The following IER5L variants were observed in gnomAD, a reference collection of about 807,000 sequenced individuals.
The protein encoded by IER5L is immediate early response gene 5-like protein.
In IER5L, 6 loss-of-function variants were observed where a neutral mutation model predicts 28.3. That is an observed-to-expected ratio of 0.21 (90% CI 0.12 to 0.42). IER5L has a LOEUF of 0.42. IER5L is among the 10% of genes least tolerant of loss of function. The pLI is 1.00. For missense variants in IER5L, 607 were observed against 575.2 expected, an observed-to-expected ratio of 1.06 and a Z score of -0.56; for synonymous variants, 351 against 282.5, an observed-to-expected ratio of 1.24 and a Z score of -2.43.
In IER5L at chr9:129,177,605, C is replaced by A. The variant is rs1829432689; in HGVS notation, c.448G>T (p.Ala150Ser). The change falls in exon 1 of 1, where the codon GCG becomes TCG. Residue 150 changes from alanine (A) to serine (S), a missense_variant. Ala to Ser is a moderately conservative substitution (Grantham distance 99). Coordinates refer to ENST00000372491, the MANE Select transcript of IER5L (RefSeq NM_203434.3). ...CCGGGCAGCTCCGAGAGCGCCCCCGCGCCGCCCGCGGGCGCTCCGGCCGCC... is the reference window on the plus strand; with the variant it reads ...CCGGGCAGCTCCGAGAGCGCCCCCGAGCCGCCCGCGGGCGCTCCGGCCGCC... Reference protein sequence around the residue: ...AAAAGAPAGGAGALSELPGCA... With the variant: ...AAAAGAPAGGSGALSELPGCA... The A allele has an allele frequency of 3.9e-6, 4 of 1,038,314 alleles. No individual in the cohort carries two copies. The highest frequency in any genetic ancestry group is 4.6e-6 in the Non-Finnish European group (4 of 871,358). 64.3% of individuals were successfully genotyped at this position (1,038,314 alleles called of 1,614,324 possible).
In IER5L at chr9:129,176,668, C is replaced by A; in HGVS notation, c.*170G>T. On this transcript the variant is annotated 3_prime_UTR_variant, in exon 1 of 1. Transcript: ENST00000372491. ...AAATAAAGTCCAAGATTTTAGATTT[C>A]TTTTTTTTTTATTTTACAATTTATA... 4.9e-6 allele frequency: 4 copies of A among 823,982 alleles called. No homozygotes were observed. The highest frequency in any genetic ancestry group is 6.6e-6 in the Non-Finnish European group (4 of 606,940). The allele number at this position is 823,982 out of a possible 1,614,324, so 51.0% of individuals were successfully genotyped here. A position where few individuals can be genotyped will look rare whatever the true frequency, so the allele number is the denominator to read the frequency against.
In IER5L at chr9:129,177,422, G is replaced by T; in HGVS notation, c.631C>A (p.Pro211Thr). 1 of 1,219,656 alleles carries T rather than the reference G, an allele frequency of 8.2e-7. No homozygotes were observed. Among genetic ancestry groups the T allele is most frequent in the Non-Finnish European group, 1.0e-6 (1 of 980,906 alleles). 75.6% of individuals were successfully genotyped at this position (1,219,656 alleles called of 1,614,324 possible). Residue 211 changes from proline (P) to threonine (T), a missense_variant, in exon 1 of 1, where the codon CCC becomes ACC. Physicochemically the swap from Pro to Thr is conservative, Grantham distance 38. Coordinates refer to ENST00000372491, the MANE Select transcript of IER5L (RefSeq NM_203434.3). ...GCGGCCGGAGGGGCGGCCCCTGGGG[G>T]CGCGGAGCAGGCGGCCGGGGCGCGA... ...DPRAPAACSA[P>T]PGAAPPAAAA...
Position 129,176,176 on chromosome 9 carries a change from G to A in IER5L, c.*662C>T, listed in dbSNP as rs1312161764. 1.3e-5 allele frequency: 2 copies of A among 152,048 alleles called. No individual in the cohort carries two copies. The highest frequency in any genetic ancestry group is 6.6e-5 in the Admixed American group (1 of 15,264). 9.4% of individuals were successfully genotyped at this position (152,048 alleles called of 1,614,324 possible). A position where few individuals can be genotyped will look rare whatever the true frequency, so the allele number is the denominator to read the frequency against. Reference sequence around the variant, plus strand: ...CGGAGCCAGAGGGGCGGGGAGAAGAGGGGTTCAAGACACCCGCCCCGGGAA... The same window carrying A: ...CGGAGCCAGAGGGGCGGGGAGAAGAAGGGTTCAAGACACCCGCCCCGGGAA... On this transcript the variant is annotated 3_prime_UTR_variant, in exon 1 of 1. Transcript: ENST00000372491.
rs1292748403 is a variant in IER5L at position 129,175,984 on chromosome 9, G to A, written c.*854C>T. The A allele has an allele frequency of 1.3e-5, 2 of 152,236 alleles. No individual in the cohort carries two copies. The highest frequency in any genetic ancestry group is 1.9e-4 in the East Asian group (1 of 5,178). The allele number at this position is 152,236 out of a possible 1,614,324, so 9.4% of individuals were successfully genotyped here. ...TCCCCCGGGGCCGCCGGGGATCCAG[G>A]TGAAGGAATTGACTTCCTTTTTTGT... On this transcript the variant is annotated 3_prime_UTR_variant, in exon 1 of 1. Coordinates refer to ENST00000372491, the MANE Select transcript of IER5L (RefSeq NM_203434.3). This position sits in a 1 kb window ranked among gnomAD's most constrained non-coding sequence, Gnocchi z 5.2.
In IER5L at chr9:129,178,041, G is replaced by T; in HGVS notation, c.12C>A (p.Ala4=). The T allele has an allele frequency of 6.7e-7, 1 of 1,495,308 alleles. No homozygotes were observed. Among genetic ancestry groups the T allele is most frequent in the Non-Finnish European group, 8.9e-7 (1 of 1,119,902 alleles). 92.6% of individuals were successfully genotyped at this position (1,495,308 alleles called of 1,614,324 possible). A position where few individuals can be genotyped will look rare whatever the true frequency, so the allele number is the denominator to read the frequency against. MEC[A]LDAQSLISIS... is the part of the protein sequence containing the mutation. ...TGCTGATCAGGCTCTGGGCGTCCAG[G>T]GCGCACTCCATGCTCCCGCGGAGAC... Residue 4 remains alanine, a synonymous_variant, in exon 1 of 1, where the codon GCC becomes GCA. Coordinates refer to ENST00000372491, the MANE Select transcript of IER5L (RefSeq NM_203434.3).
In IER5L at chr9:129,177,291, G is replaced by T; in HGVS notation, c.762C>A (p.Thr254=). 1 of 1,460,262 alleles carries T rather than the reference G, an allele frequency of 6.8e-7. No individual in the cohort carries two copies. Among genetic ancestry groups the T allele is most frequent in the Non-Finnish European group, 9.0e-7 (1 of 1,114,284 alleles). The allele number at this position is 1,460,262 out of a possible 1,614,324, so 90.5% of individuals were successfully genotyped here. The change falls in exon 1 of 1, where the codon ACC becomes ACA. Residue 254 remains threonine, a synonymous_variant. Transcript: ENST00000372491. ...SDFGLHCSSQ[T]TVLDLDTHVV... ...CGTGAGTGTCTAGGTCCAGCACGGT[G>T]GTCTGGCTGCTGCAGTGCAAGCCGA...
At position 129,177,426 on chromosome 9, in the gene IER5L, G is replaced by T. The variant is rs1318921849; in HGVS notation, c.627C>A (p.Ser209=). ...PRDPRAPAAC[S]APPGAAPPAA... Reference sequence around the variant, plus strand: ...CCGGAGGGGCGGCCCCTGGGGGCGCGGAGCAGGCGGCCGGGGCGCGAGGGT... The same window carrying T: ...CCGGAGGGGCGGCCCCTGGGGGCGCTGAGCAGGCGGCCGGGGCGCGAGGGT... Residue 209 remains serine, a synonymous_variant, in exon 1 of 1, where the codon TCC becomes TCA. Coordinates refer to ENST00000372491, the MANE Select transcript of IER5L (RefSeq NM_203434.3). 1.6e-6 allele frequency: 2 copies of T among 1,213,512 alleles called. No individual in the cohort carries two copies. The highest frequency in any genetic ancestry group is 3.3e-5 in the East Asian group (1 of 30,620). The allele number at this position is 1,213,512 out of a possible 1,614,324, so 75.2% of individuals were successfully genotyped here. A position where few individuals can be genotyped will look rare whatever the true frequency, so the allele number is the denominator to read the frequency against.
rs1047141009 is a variant in IER5L at position 129,176,676 on chromosome 9, T to A, written c.*162A>T. The A allele has an allele frequency of 7.2e-6, 7 of 972,538 alleles. No homozygotes were observed. Among genetic ancestry groups the A allele is most frequent in the Admixed American group, 8.0e-5 (2 of 24,916 alleles). The allele number at this position is 972,538 out of a possible 1,614,324, so 60.2% of individuals were successfully genotyped here. A position where few individuals can be genotyped will look rare whatever the true frequency, so the allele number is the denominator to read the frequency against. ...TCCAAGATTTTAGATTTCTTTTTTTTTTATTTTACAATTTATAAAACATCA... is the reference window on the plus strand; with the variant it reads ...TCCAAGATTTTAGATTTCTTTTTTTATTATTTTACAATTTATAAAACATCA... On this transcript the variant is annotated 3_prime_UTR_variant, in exon 1 of 1. Coordinates refer to ENST00000372491, the MANE Select transcript of IER5L (RefSeq NM_203434.3).
rs766058311 is a variant in IER5L at position 129,178,090 on chromosome 9, T to C, written c.-38A>G. The stretch of plus-strand genomic sequence containing the variant: ...ACGGCGGCGGAGCAGCCGCCGCCGC[T>C]GCTGCTGTTAACGCTTCTGCTGTTT... On this transcript the variant is annotated 5_prime_UTR_variant, in exon 1 of 1. Coordinates refer to ENST00000372491, the MANE Select transcript of IER5L (RefSeq NM_203434.3). 10 of 1,375,638 alleles carry C rather than the reference T, an allele frequency of 7.3e-6. No homozygotes were observed. Among genetic ancestry groups the C allele is most frequent in the Admixed American group, 3.6e-5 (1 of 27,900 alleles). 85.2% of individuals were successfully genotyped at this position (1,375,638 alleles called of 1,614,324 possible).
rs1829435126 is a variant in IER5L, at chr9:129,177,714, C to G, written c.339G>C (p.Gln113His). 7.0e-7 allele frequency: 1 copy of G among 1,436,714 alleles called. No homozygotes were observed. The highest frequency in any genetic ancestry group is 9.1e-7 in the Non-Finnish European group (1 of 1,099,124). 89.0% of individuals were successfully genotyped at this position (1,436,714 alleles called of 1,614,324 possible). A position where few individuals can be genotyped will look rare whatever the true frequency, so the allele number is the denominator to read the frequency against. The change falls in exon 1 of 1, where the codon CAG (glutamine) becomes CAC (histidine). Residue 113 changes from glutamine to histidine, a missense_variant. Physicochemically the swap from Gln to His is conservative, Grantham distance 24 (BLOSUM62 0). Coordinates refer to ENST00000372491, the MANE Select transcript of IER5L (RefSeq NM_203434.3). ...REPAARHQLH[Q>H]LHQLHQLHLQ... is the part of the protein sequence containing the mutation. ...GGTGCAGCTGGTGGAGCTGGTGGAGCTGGTGCAGCTGGTGCCGGGCGGCCG... is the reference window on the plus strand; with the variant it reads ...GGTGCAGCTGGTGGAGCTGGTGGAGGTGGTGCAGCTGGTGCCGGGCGGCCG...
rs1564218035 is a variant in IER5L, at chr9:129,176,911, A to AGCG, written c.1139_1141dup (p.Pro380dup). Reference sequence around the variant, plus strand: ...CTGCTTGGCGCACAGCTGCCCGTTGAGCGGCGGCGGCTGCTCCGAGGAGTC... The same window carrying AGCG: ...CTGCTTGGCGCACAGCTGCCCGTTGAGCGGCGGCGGCGGCTGCTCCGAGGAGTC... On this transcript the variant is annotated inframe_insertion, in exon 1 of 1. Coordinates refer to ENST00000372491, the MANE Select transcript of IER5L (RefSeq NM_203434.3). 6.2e-7 allele frequency: 1 copy of AGCG among 1,604,774 alleles called. No homozygotes were observed. The highest frequency in any genetic ancestry group is 8.5e-7 in the Non-Finnish European group (1 of 1,176,796).
Position 129,178,061 on chromosome 9 carries a change from G to T in IER5L, c.-9C>A. 1 of 1,412,060 alleles carries T rather than the reference G, an allele frequency of 7.1e-7. No homozygotes were observed. Among genetic ancestry groups the T allele is most frequent in the Non-Finnish European group, 9.2e-7 (1 of 1,082,042 alleles). 87.5% of individuals were successfully genotyped at this position (1,412,060 alleles called of 1,614,324 possible). A position where few individuals can be genotyped will look rare whatever the true frequency, so the allele number is the denominator to read the frequency against. On this transcript the variant is annotated 5_prime_UTR_variant, in exon 1 of 1. Transcript: ENST00000372491. ...TCCAGGGCGCACTCCATGCTCCCGC[G>T]GAGACGGCGGCGGAGCAGCCGCCGC...
chr9:129,178,150 G>C lies in IER5L; in HGVS notation c.-98C>G, dbSNP rs1829444086. On this transcript the variant is annotated 5_prime_UTR_variant, in exon 1 of 1. Transcript: ENST00000372491. ...GCCGGCCGCCGGGGCGCGCCGGGCA[G>C]GGGTAACGGAGTCCGGGTCAGAGGT... The C allele has an allele frequency of 4.6e-6, 5 of 1,084,830 alleles. No homozygotes were observed. The highest frequency in any genetic ancestry group is 3.3e-5 in the East Asian group (1 of 30,750). The allele number at this position is 1,084,830 out of a possible 1,614,324, so 67.2% of individuals were successfully genotyped here.
Position 129,176,539 on chromosome 9 carries a change from G to C in IER5L, c.*299C>G, listed in dbSNP as rs748611250. ...TCCGGGCAGCAGCCCTCCCTCACGT[G>C]GTAGGCTCCTCGCTAAACACCACTG... On this transcript the variant is annotated 3_prime_UTR_variant, in exon 1 of 1. Coordinates refer to ENST00000372491, the MANE Select transcript of IER5L (RefSeq NM_203434.3). 36 of 186,446 alleles carry C rather than the reference G, an allele frequency of 1.9e-4. No individual in the cohort carries two copies. The highest frequency in any genetic ancestry group is 2.9e-4 in the Non-Finnish European group (27 of 93,262). The allele number at this position is 186,446 out of a possible 1,614,324, so 11.5% of individuals were successfully genotyped here. A position where few individuals can be genotyped will look rare whatever the true frequency, so the allele number is the denominator to read the frequency against.
chr9:129,177,138 G>A lies in IER5L; in HGVS notation c.915C>T (p.Tyr305=), dbSNP rs937648984. Residue 305 remains tyrosine, a synonymous_variant, in exon 1 of 1, where the codon TAC becomes TAT. Transcript: ENST00000372491. ...CGTCTTCCTCCTCCTCCTGGCCAGG[G>A]TAATACTTGCGCTTGCAGCCGGCGG... ...ASAAGCKRKY[Y]PGQEEEEDDE... The A allele has an allele frequency of 4.1e-6, 6 of 1,465,192 alleles. No individual in the cohort carries two copies. Among genetic ancestry groups the A allele is most frequent in the East Asian group, 2.6e-5 (1 of 38,506 alleles). 90.8% of individuals were successfully genotyped at this position (1,465,192 alleles called of 1,614,324 possible). A position where few individuals can be genotyped will look rare whatever the true frequency, so the allele number is the denominator to read the frequency against.
In IER5L at chr9:129,177,390, AGCGGCGGCGGCCGGAGGG is replaced by A. The variant is rs1829428362; in HGVS notation, c.645_662del (p.Pro216_Ala221del). 1.6e-6 allele frequency: 2 copies of A among 1,266,246 alleles called. No homozygotes were observed. Among genetic ancestry groups the A allele is most frequent in the Admixed American group, 3.5e-5 (1 of 28,782 alleles). The allele number at this position is 1,266,246 out of a possible 1,614,324, so 78.4% of individuals were successfully genotyped here. On this transcript the variant is annotated inframe_deletion, in exon 1 of 1. Transcript: ENST00000372491. ...CGGGGGCCGGGGAGGCGGGCGGAGA[AGCGGCGGCGGCCGGAGGG>A]GCGGCCCCTGGGGGCGCGGAGCAGG... is the stretch of plus-strand genomic sequence containing the variant.
Position 129,177,459 on chromosome 9 carries a change from G to T in IER5L, c.594C>A (p.Cys198Ter). ...CGGCCGGGGCGCGAGGGTCCCGCGG[G>T]CAGAGCGCAGCGGGCGCGGGCGGCG... is the stretch of plus-strand genomic sequence containing the variant. Reference protein sequence around the residue: ...PLPPPAPAALCPRDPRAPAAC... With the variant: ...PLPPPAPAAL The change falls in exon 1 of 1, where the codon TGC (cysteine) becomes TGA (stop). Residue 198 changes from cysteine to a stop codon, truncating the protein, a stop_gained. Transcript: ENST00000372491. LOFTEE classifies it high-confidence loss of function. The T allele has an allele frequency of 9.4e-7, 1 of 1,063,402 alleles. No homozygotes were observed. Among genetic ancestry groups the T allele is most frequent in the Non-Finnish European group, 1.1e-6 (1 of 881,876 alleles). The allele number at this position is 1,063,402 out of a possible 1,614,324, so 65.9% of individuals were successfully genotyped here.
Position 129,177,334 on chromosome 9 carries a change from T to C in IER5L, c.719A>G (p.Tyr240Cys). 7.5e-7 allele frequency: 1 copy of C among 1,338,288 alleles called. No homozygotes were observed. 82.9% of individuals were successfully genotyped at this position (1,338,288 alleles called of 1,614,324 possible). A position where few individuals can be genotyped will look rare whatever the true frequency, so the allele number is the denominator to read the frequency against. Residue 240 changes from tyrosine to cysteine, a missense_variant, in exon 1 of 1, where the codon TAC (tyrosine) becomes TGC (cysteine). Tyr to Cys is a radical substitution (Grantham distance 194, BLOSUM62 -2). Transcript: ENST00000372491. ...ASSPGFYRGA[Y>C]PTPSDFGLHC... Reference sequence around the variant, plus strand: ...CAAGCCGAAGTCCGAAGGGGTAGGGTATGCGCCCCGGTAGAAGCCGGGGGA... The same window carrying C: ...CAAGCCGAAGTCCGAAGGGGTAGGGCATGCGCCCCGGTAGAAGCCGGGGGA...
At position 129,176,627 on chromosome 9, in the gene IER5L, C is replaced by T; in HGVS notation, c.*211G>A. ...AACACAAAGCATACTTAAATAGGCGCTTTTTCTCTCTGCAAAAATAAAGTC... is the reference window on the plus strand; with the variant it reads ...AACACAAAGCATACTTAAATAGGCGTTTTTTCTCTCTGCAAAAATAAAGTC... On this transcript the variant is annotated 3_prime_UTR_variant, in exon 1 of 1. Coordinates refer to ENST00000372491, the MANE Select transcript of IER5L (RefSeq NM_203434.3). The T allele has an allele frequency of 3.3e-6, 2 of 613,354 alleles. No individual in the cohort carries two copies. The highest frequency in any genetic ancestry group is 2.5e-6 in the Non-Finnish European group (1 of 406,336). 38.0% of individuals were successfully genotyped at this position (613,354 alleles called of 1,614,324 possible). A position where few individuals can be genotyped will look rare whatever the true frequency, so the allele number is the denominator to read the frequency against.
Sources: gnomAD v4.1 joint callset for allele counts on GRCh38, gnomAD v4.1.1 for gene constraint, Gnocchi (gnomAD v3.1) non-coding constraint, MANE v1.5 for transcripts, NCBI Gene and HGNC (gene_info 2026-07-23, HGNC 2026-07-21) for gene names.